Variants in CDKN2B-AS1 observed in about 807,000 individuals in gnomAD.
CDKN2B-AS1 encodes CDKN2B antisense RNA 1 (non-protein coding).
intron 4 of CDKN2B-AS1, among the ~76,000 whole-genome samples, chr9:22,115,087 T>C (rs1202632948): frequency 6.6e-6 from 1 of 152,158 alleles, no homozygotes; most frequent in Non-Finnish European, 1.5e-5. Context: ...ATGGTAATTA[T>C]AGATTCCCAG....
chr9:22,124,364 C>G (rs1367917352), intron 4 of CDKN2B-AS1, among the ~76,000 whole-genome samples: 4 of 152,238 alleles, frequency 2.6e-5, no homozygotes, highest in Non-Finnish European at 4.4e-5. Flanking sequence ...AACTAACAAA[C>G]AGCCAATTTG....
chr9:21,998,089 C>T (rs763672165), intron 1 of CDKN2B-AS1, among the ~76,000 whole-genome samples: 3 of 152,196 alleles, frequency 2.0e-5, no homozygotes, highest in Non-Finnish European at 4.4e-5. Context: ...AAAGTTTGAA[C>T]ATCTAAATTC....
At chr9:22,052,458 A>C (rs987479470) in intron 3 of CDKN2B-AS1, among the ~76,000 whole-genome samples, 2 of 152,228 alleles carry the variant, frequency 1.3e-5, no homozygotes, top group South Asian at 4.1e-4. Flanking sequence ...GAAGGAATTT[A>C]GCTTCTGTCA....
At position 22,083,123 on chromosome 9, in the gene CDKN2B-AS1, C is replaced by T. The variant is rs140354541; in HGVS notation, n.438+26736C>T. ...GCCATGCCCTGTACTAAGAACTATACGTATGTTATCCCATCTAAATCACAT... is the reference window on the plus strand; with the variant it reads ...GCCATGCCCTGTACTAAGAACTATATGTATGTTATCCCATCTAAATCACAT... On this transcript the variant is annotated intron_variant and non_coding_transcript_variant, in intron 4 of 4. Coordinates refer to ENST00000650946, the Ensembl canonical transcript of CDKN2B-AS1. Among the ~76,000 whole-genome samples, 314 of 152,302 alleles carry T rather than the reference C, an allele frequency of 2.1e-3. 2 individuals carry two copies. The highest frequency in any genetic ancestry group is 7.1e-3 in the African/African-American group (296 of 41,556).
chr9:22,103,131 ATGTG>A (rs3221506), intron 4 of CDKN2B-AS1, among the ~76,000 whole-genome samples: 40,682 of 132,194 alleles, frequency 0.31, 6,640 homozygotes, highest in Middle Eastern at 0.4. Context: ...TCTAGAACAG[ATGTG>A]TGTGTGTGTG....
chr9:22,112,618 G>A (rs1825830616), intron 4 of CDKN2B-AS1, among the ~76,000 whole-genome samples: 1 of 152,126 alleles, frequency 6.6e-6, no homozygotes. Context: ...AGTAGAATAG[G>A]CAGATAAAAC....
At chr9:22,022,809 A>G (rs1822068920) in intron 1 of CDKN2B-AS1, among the ~76,000 whole-genome samples, 1 of 152,220 alleles carries the variant, frequency 6.6e-6, no homozygotes, top group Non-Finnish European at 1.5e-5. Context: ...GAGCTCTTGT[A>G]AGGCAGGTCT....
chr9:22,002,412 A>G (rs1222425632), intron 1 of CDKN2B-AS1, among the ~76,000 whole-genome samples: 2 of 152,006 alleles, frequency 1.3e-5, no homozygotes, highest in East Asian at 3.8e-4. Context: ...TCTCTGGTAA[A>G]GCATAAAATG....
intron 1 of CDKN2B-AS1, among the ~76,000 whole-genome samples, chr9:22,040,957 A>G (rs1822872762): frequency 6.6e-6 from 1 of 151,970 alleles, no homozygotes; most frequent in Non-Finnish European, 1.5e-5. Flanking sequence ...TCTCATCTCA[A>G]CCCAGCATTC....
At chr9:22,067,280 T>C (rs1202559319) in intron 4 of CDKN2B-AS1, among the ~76,000 whole-genome samples, 1 of 152,196 alleles carries the variant, frequency 6.6e-6, no homozygotes, top group Non-Finnish European at 1.5e-5. Context: ...ATTTTTCTTA[T>C]AAAAGAGCAG....
At position 22,025,296 on chromosome 9, in the gene CDKN2B-AS1, G is replaced by T. The variant is rs572457888; in HGVS notation, n.30-21455G>T. Among the ~76,000 whole-genome samples, 246 of 152,302 alleles carry T rather than the reference G, an allele frequency of 1.6e-3. 1 individual carries two copies. The highest frequency in any genetic ancestry group is 5.3e-3 in the African/African-American group (221 of 41,558). ...GGGTGGGACCTGTGGGAGATGGACT[G>T]GCCTCCTCTCCTTGAGTCAACTGCT... On this transcript the variant is annotated intron_variant and non_coding_transcript_variant, in intron 1 of 4. Coordinates refer to ENST00000650946, the Ensembl canonical transcript of CDKN2B-AS1.
intron 1 of CDKN2B-AS1, among the ~76,000 whole-genome samples, chr9:22,007,750 GT>G (rs1821265879): frequency 6.6e-6 from 1 of 152,120 alleles, no homozygotes; most frequent in Non-Finnish European, 1.5e-5. Flanking sequence ...AATAGCTGCT[GT>G]TAGTATTTCA....
At chr9:22,061,575 A>G (rs1823820937) in intron 4 of CDKN2B-AS1, among the ~76,000 whole-genome samples, 1 of 152,232 alleles carries the variant, frequency 6.6e-6, no homozygotes, top group African/African-American at 2.4e-5. Flanking sequence ...AAATTCATCC[A>G]TTAATAGCAA....
chr9:22,044,881 C>A (rs925151667), intron 1 of CDKN2B-AS1, among the ~76,000 whole-genome samples: 2 of 151,946 alleles, frequency 1.3e-5, no homozygotes, highest in Non-Finnish European at 2.9e-5. Context: ...GCTGACACAA[C>A]CTTTTTGACT....
chr9:22,063,074 TG>T (rs1204745703), intron 4 of CDKN2B-AS1, among the ~76,000 whole-genome samples: 2 of 151,864 alleles, frequency 1.3e-5, no homozygotes, highest in Admixed American at 1.3e-4. Context: ...GATGCATAAG[TG>T]TAAATGTTCA....
chr9:22,088,285 C>G (rs1824936275), intron 4 of CDKN2B-AS1, among the ~76,000 whole-genome samples: 1 of 152,176 alleles, frequency 6.6e-6, no homozygotes, highest in Non-Finnish European at 1.5e-5. Context: ...TTTTATTATA[C>G]TTGATATTGA....
At chr9:22,052,250 A>G (rs1823377550) in intron 3 of CDKN2B-AS1, among the ~76,000 whole-genome samples, 1 of 152,184 alleles carries the variant, frequency 6.6e-6, no homozygotes, top group Admixed American at 6.6e-5. Context: ...TGTCTGACTC[A>G]TTAAGTGTTC....
intron 4 of CDKN2B-AS1, among the ~76,000 whole-genome samples, chr9:22,091,307 C>T (rs1249237416): frequency 2.0e-5 from 3 of 152,118 alleles, no homozygotes; most frequent in East Asian, 1.9e-4. Flanking sequence ...CTTGGCAATG[C>T]AGGCTCTTTT....
chr9:22,108,611 ATTCCTTTAGAAAAATACT>A (rs1825721695), intron 4 of CDKN2B-AS1, among the ~76,000 whole-genome samples: 1 of 152,212 alleles, frequency 6.6e-6, no homozygotes, highest in African/African-American at 2.4e-5. Flanking sequence ...ACACTGAATT[ATTCCTTTAGAAAAATACT>A]TGGTGTACAA....
Sources: gnomAD v4.1 joint callset for allele counts (sites outside exome capture counted in the v4.1 genomes callset) on GRCh38, gnomAD v4.1.1 for gene constraint, MANE v1.5 for transcripts, NCBI Gene and HGNC (gene_info 2026-07-23, HGNC 2026-07-21) for gene names.